The following ARB2A variants were observed in gnomAD, a reference collection of about 807,000 sequenced individuals.
ARB2A encodes the protein ARB2 cotranscriptional regulator A.
chr5:93,787,109 T>C, the ARB2A span, among the ~76,000 whole-genome samples: 1 of 152,202 alleles, frequency 6.6e-6, no homozygotes. Context: ...TACATGGGCA[T>C]ATGAATATTT....
chr5:93,955,077 C>T, the ARB2A span, among the ~76,000 whole-genome samples: 2 of 152,196 alleles, frequency 1.3e-5, no homozygotes, highest in South Asian at 4.1e-4. Flanking sequence ...TTCTTACCCT[C>T]TTCAGTGCCT....
the ARB2A span, chr5:93,964,380 T>A: frequency 9.0e-7 from 1 of 1,106,304 alleles, no homozygotes; most frequent in Admixed American, 2.5e-5. Context: ...AACAAAAGTT[T>A]TCTTCTGAAT....
the ARB2A span, among the ~76,000 whole-genome samples, chr5:93,645,902 A>G: frequency 1.3e-5 from 2 of 152,226 alleles, no homozygotes; most frequent in African/African-American, 4.8e-5. Context: ...ATTTGAATAT[A>G]TAAGTAAAGA....
the ARB2A span, among the ~76,000 whole-genome samples, chr5:93,903,266 T>C: frequency 1.1e-3 from 166 of 152,148 alleles, 1 homozygote; most frequent in Middle Eastern, 0.014. Flanking sequence ...CTATATACAA[T>C]TGGGGGTGAG....
chr5:93,777,903 C>A, the ARB2A span, among the ~76,000 whole-genome samples: 1 of 152,028 alleles, frequency 6.6e-6, no homozygotes, highest in East Asian at 1.9e-4. Context: ...GTTCTGGGAC[C>A]AGGGAGAGCA....
chr5:93,784,249 C>T, the ARB2A span: 13 of 652,936 alleles, frequency 2.0e-5, no homozygotes, highest in South Asian at 2.5e-4. Context: ...ACATGTCTAG[C>T]TTTTTCTATT....
chr5:93,987,661 C>T, the ARB2A span, among the ~76,000 whole-genome samples: 1 of 152,128 alleles, frequency 6.6e-6, no homozygotes, highest in Admixed American at 6.5e-5. Flanking sequence ...CATTAGCATC[C>T]CCTAAGGTGT....
At chr5:94,081,351 G>A in the ARB2A span, among the ~76,000 whole-genome samples, 2 of 152,134 alleles carry the variant, frequency 1.3e-5, no homozygotes, top group Non-Finnish European at 2.9e-5. Context: ...ATATACCCAA[G>A]AGAAATGAAA....
chr5:93,681,407 CT>C, the ARB2A span, among the ~76,000 whole-genome samples: 3 of 152,102 alleles, frequency 2.0e-5, no homozygotes, highest in African/African-American at 4.8e-5. Context: ...GTAAATTTCT[CT>C]GTAACTTTTT....
the ARB2A span, among the ~76,000 whole-genome samples, chr5:93,728,750 T>C: frequency 1.3e-5 from 2 of 152,088 alleles, no homozygotes; most frequent in East Asian, 3.8e-4. Flanking sequence ...TTAGGCTATT[T>C]GACATAAGTC....
the ARB2A span, among the ~76,000 whole-genome samples, chr5:93,785,262 C>T: frequency 6.6e-6 from 1 of 152,148 alleles, no homozygotes; most frequent in African/African-American, 2.4e-5. Context: ...TAATCTACTA[C>T]ACTAGTGGCC....
the ARB2A span, chr5:93,743,475 A>G: frequency 1.1e-6 from 1 of 906,906 alleles, no homozygotes; most frequent in Non-Finnish European, 1.3e-6. Flanking sequence ...AACAGCTTGC[A>G]ATATACAGAA....
chr5:93,916,043 G>A, the ARB2A span, among the ~76,000 whole-genome samples: 1 of 152,104 alleles, frequency 6.6e-6, no homozygotes, highest in African/African-American at 2.4e-5. Flanking sequence ...CAGTAAAGCT[G>A]AAGTATGGGT....
chr5:93,833,383 T>C, the ARB2A span, among the ~76,000 whole-genome samples: 2 of 152,290 alleles, frequency 1.3e-5, no homozygotes, highest in East Asian at 3.9e-4. Context: ...AAAAGACTGG[T>C]GGTCAAAGAT....
chr5:93,790,924 C>T, the ARB2A span, among the ~76,000 whole-genome samples: 34 of 152,258 alleles, frequency 2.2e-4, no homozygotes, highest in African/African-American at 7.5e-4. Context: ...GTAGTCTCTT[C>T]ATAGGGCTGC....
the ARB2A span, among the ~76,000 whole-genome samples, chr5:93,837,251 G>A: frequency 6.6e-6 from 1 of 152,036 alleles, no homozygotes; most frequent in African/African-American, 2.4e-5. Flanking sequence ...GCTCCAGATA[G>A]TGATCTCCAG....
chr5:93,870,365 C>G, the ARB2A span, among the ~76,000 whole-genome samples: 1 of 152,212 alleles, frequency 6.6e-6, no homozygotes, highest in East Asian at 1.9e-4. Flanking sequence ...TACATCGCCG[C>G]TCATATTGAG....
the ARB2A span, among the ~76,000 whole-genome samples, chr5:93,758,708 A>G: frequency 6.6e-6 from 1 of 152,160 alleles, no homozygotes; most frequent in Non-Finnish European, 1.5e-5. Context: ...GACAATAATG[A>G]CACAACTTAA....
the ARB2A span, among the ~76,000 whole-genome samples, chr5:94,077,134 G>A: frequency 3.3e-5 from 5 of 151,914 alleles, no homozygotes; most frequent in Non-Finnish European, 7.4e-5. Flanking sequence ...CAGCACTTTC[G>A]GAGGCTGAGG....
Sources: gnomAD v4.1 joint callset for allele counts (sites outside exome capture counted in the v4.1 genomes callset) on GRCh38, gnomAD v4.1.1 for gene constraint, MANE v1.5 for transcripts, NCBI Gene and HGNC (gene_info 2026-07-23, HGNC 2026-07-21) for gene names.